The following TUSC3 variants were observed in gnomAD, a reference collection of about 807,000 sequenced individuals.
TUSC3 encodes dolichyl-diphosphooligosaccharide--protein glycosyltransferase subunit TUSC3.
Under a neutral mutation model 44.8 loss-of-function variants are expected in TUSC3, and 45 were observed. The observed-to-expected ratio is 1.00, with a 90% CI of 0.79 to 1.29. The LOEUF is 1.29. Ranked by LOEUF, TUSC3 falls within the 50% of genes most tolerant of loss-of-function variation. TUSC3 has a pLI of 0.00. For synonymous variants in TUSC3, 212 were observed against 152.9 expected, an observed-to-expected ratio of 1.39 and a Z score of -2.85; for missense variants, 519 against 437.9, an observed-to-expected ratio of 1.19 and a Z score of -1.65.
downstream of TUSC3, among the ~76,000 whole-genome samples, chr8:15,770,942 T>C (rs890398467): frequency 7.2e-5 from 11 of 152,114 alleles, no homozygotes; most frequent in African/African-American, 7.2e-5. Context: ...AGTATACACA[T>C]TCAAAGAGAT....
intron 2 of TUSC3, among the ~76,000 whole-genome samples, chr8:15,638,641 G>A (rs1195565699): frequency 1.3e-5 from 2 of 148,466 alleles, no homozygotes; most frequent in East Asian, 2.0e-4. Context: ...TTCCCCTGCT[G>A]CAGCCTCCTT....
chr8:15,825,699 G>C, the TUSC3 span, among the ~76,000 whole-genome samples: 4 of 151,982 alleles, frequency 2.6e-5, no homozygotes, highest in African/African-American at 7.3e-5. Context: ...GCCTTGAAGT[G>C]TTACGTATAA....
chr8:15,842,622 G>C, the TUSC3 span, among the ~76,000 whole-genome samples: 2 of 152,146 alleles, frequency 1.3e-5, no homozygotes, highest in African/African-American at 2.4e-5. Context: ...AGGAGAGAAA[G>C]AAGGCTTGCA....
chr8:15,434,312 G>C (rs1194252272), intron 1 of TUSC3, among the ~76,000 whole-genome samples: 1 of 152,082 alleles, frequency 6.6e-6, no homozygotes, highest in Non-Finnish European at 1.5e-5. Context: ...TATTTGAGCA[G>C]TAAAACTTCT....
intron 1 of TUSC3, among the ~76,000 whole-genome samples, chr8:15,552,112 T>C (rs80205227): frequency 0.011 from 1,603 of 151,904 alleles, 94 homozygotes; most frequent in Admixed American, 0.078. Flanking sequence ...TTCTTAAGTA[T>C]GTTGTAAATG....
intron 6 of TUSC3, among the ~76,000 whole-genome samples, chr8:15,706,708 C>T (rs573723249): frequency 1.3e-5 from 2 of 151,798 alleles, no homozygotes; most frequent in Non-Finnish European, 2.9e-5. Context: ...AATAATTACG[C>T]CTTCTGTATG....
intron 2 of TUSC3, among the ~76,000 whole-genome samples, chr8:15,501,575 T>A: frequency 6.6e-6 from 1 of 152,182 alleles, no homozygotes; most frequent in East Asian, 1.9e-4. Context: ...TTGGTCACAA[T>A]GTTTTGGGAA....
intron 2 of TUSC3, among the ~76,000 whole-genome samples, chr8:15,534,696 G>A (rs1397585714): frequency 6.6e-6 from 1 of 150,596 alleles, no homozygotes; most frequent in Non-Finnish European, 1.5e-5. Context: ...GAGTTTAATT[G>A]AGCAATGAAC....
intron 2 of TUSC3, among the ~76,000 whole-genome samples, chr8:15,628,242 T>C (rs2129166806): frequency 6.6e-6 from 1 of 152,292 alleles, no homozygotes; most frequent in Admixed American, 6.5e-5. Context: ...AAATATTTTA[T>C]TATCTAAGTA....
chr8:15,592,203 GA>G (rs1197273403), intron 1 of TUSC3, among the ~76,000 whole-genome samples: 5 of 152,166 alleles, frequency 3.3e-5, no homozygotes, highest in Admixed American at 2.0e-4. Flanking sequence ...AATAGGTTTT[GA>G]AAAGAAGTCA....
chr8:15,716,369 A>T (rs1315733290), intron 6 of TUSC3, among the ~76,000 whole-genome samples: 1 of 149,130 alleles, frequency 6.7e-6, no homozygotes, highest in African/African-American at 2.5e-5. Context: ...TAACCAGCTT[A>T]AAAAAAAAAG....
chr8:15,851,946 T>C, the TUSC3 span, among the ~76,000 whole-genome samples: 1 of 152,136 alleles, frequency 6.6e-6, no homozygotes, highest in South Asian at 2.1e-4. Flanking sequence ...GATAGTTTTA[T>C]AAGGGGAAAT....
At chr8:15,779,169 G>T in the TUSC3 span, among the ~76,000 whole-genome samples, 6 of 147,282 alleles carry the variant, frequency 4.1e-5, no homozygotes, top group African/African-American at 1.5e-4. Context: ...AGGTTATCCA[G>T]AGAGAAATAC....
At chr8:15,779,502 C>G in the TUSC3 span, among the ~76,000 whole-genome samples, 1 of 152,144 alleles carries the variant, frequency 6.6e-6, no homozygotes, top group Non-Finnish European at 1.5e-5. Context: ...AATATGGAAG[C>G]TGTCTAAACG....
chr8:15,536,587 CAGG>C (rs1297869220), upstream of TUSC3, among the ~76,000 whole-genome samples: 11 of 146,358 alleles, frequency 7.5e-5, no homozygotes, highest in South Asian at 2.2e-3. Context: ...GAGGCTGAGG[CAGG>C]AGAAGAGCTT....
At chr8:15,660,363 T>A (rs1028364149) in intron 4 of TUSC3, among the ~76,000 whole-genome samples, 1 of 152,056 alleles carries the variant, frequency 6.6e-6, no homozygotes. Flanking sequence ...TAGTATTAAT[T>A]AATAGTATGA....
At chr8:15,457,457 C>T (rs1286605963) in intron 1 of TUSC3, among the ~76,000 whole-genome samples, 1 of 151,572 alleles carries the variant, frequency 6.6e-6, no homozygotes, top group Admixed American at 6.6e-5. Flanking sequence ...ATAACACTTT[C>T]ATAGTGAAAA....
At chr8:15,498,648 C>G (rs1585066626) in intron 2 of TUSC3, among the ~76,000 whole-genome samples, 1 of 152,236 alleles carries the variant, frequency 6.6e-6, no homozygotes, top group Non-Finnish European at 1.5e-5. Flanking sequence ...ATTTTCCCCT[C>G]TTCTGCCAGT....
At chr8:15,680,835 T>C (rs902716802) in intron 6 of TUSC3, among the ~76,000 whole-genome samples, 1 of 152,126 alleles carries the variant, frequency 6.6e-6, no homozygotes, top group Non-Finnish European at 1.5e-5. Context: ...GTGCCTATTG[T>C]GATGATATGG....
Sources: allele counts gnomAD v4.1 joint callset (sites outside exome capture counted in the v4.1 genomes callset), GRCh38; gene constraint gnomAD v4.1.1; transcripts MANE v1.5; gene names NCBI Gene and HGNC (gene_info 2026-07-23, HGNC 2026-07-21).